The following PICALM variants were observed in gnomAD, a reference collection of about 807,000 sequenced individuals.
PICALM encodes the protein phosphatidylinositol-binding clathrin assembly protein.
Under a neutral mutation model 80.5 loss-of-function variants are expected in PICALM, and 40 were observed. The ratio of observed to expected loss-of-function variants is 0.50; its 90% confidence interval spans 0.39 to 0.65. The LOEUF is 0.65. Ranked by LOEUF, PICALM falls within the 30% of genes least tolerant of loss-of-function variation. The pLI, the probability that PICALM is intolerant of heterozygous loss-of-function variation, is 0.00. For missense variants in PICALM, 676 were observed against 778.9 expected, an observed-to-expected ratio of 0.87 and a Z score of 1.57; for synonymous variants, 288 against 260.3, an observed-to-expected ratio of 1.11 and a Z score of -1.02.
At chr11:85,992,438 C>A (rs373354484) in intron 12 of PICALM, among the ~76,000 whole-genome samples, 24 of 152,022 alleles carry the variant, frequency 1.6e-4, no homozygotes, top group East Asian at 1.2e-3. Flanking sequence ...GCGCGTGCCA[C>A]CACGCTCAGC....
intron 1 of PICALM, among the ~76,000 whole-genome samples, chr11:86,046,696 T>C (rs527975785): frequency 1.3e-5 from 2 of 152,352 alleles, no homozygotes; most frequent in African/African-American, 4.8e-5. Context: ...TGGCAAAATC[T>C]TTATAATGCA....
intron 3 of PICALM, among the ~76,000 whole-genome samples, chr11:86,024,682 A>G (rs566261233): frequency 6.6e-6 from 1 of 152,280 alleles, no homozygotes; most frequent in East Asian, 1.9e-4. Flanking sequence ...GGCTCTGAAC[A>G]GCTTCTTGAG....
At chr11:86,066,434 G>T (rs1333114983) in intron 1 of PICALM, among the ~76,000 whole-genome samples, 1 of 152,178 alleles carries the variant, frequency 6.6e-6, no homozygotes, top group Non-Finnish European at 1.5e-5. Context: ...AAACACAGAA[G>T]TGGTAGAGAA....
intron 1 of PICALM, among the ~76,000 whole-genome samples, chr11:86,032,172 T>C (rs988466250): frequency 1.3e-5 from 2 of 152,236 alleles, no homozygotes; most frequent in African/African-American, 4.8e-5. Flanking sequence ...AAAAGATTTA[T>C]ACTCCTTCTC....
chr11:85,959,055 CTG>C lies in PICALM; in HGVS notation c.1948_1949del (p.Gln650ValfsTer5). ...PFGPVSGAQI[Q>X]FM ...ATTTTCTTCCATCAAGTTACATAAA[CTG>C]TATCTGGAAAAAAAAAGTGGGTATG... On this transcript the variant is annotated frameshift_variant, in exon 20 of 20. Transcript: ENST00000393346. LOFTEE classifies it high-confidence loss of function. 1 of 1,585,950 alleles carries C rather than the reference CTG, an allele frequency of 6.3e-7. No homozygotes were observed. Among genetic ancestry groups the C allele is most frequent in the Non-Finnish European group, 8.6e-7 (1 of 1,160,182 alleles).
At chr11:85,962,116 G>C (rs894616584) in intron 19 of PICALM, among the ~76,000 whole-genome samples, 6 of 152,142 alleles carry the variant, frequency 3.9e-5, no homozygotes, top group Admixed American at 3.9e-4. Context: ...CAGATGGGAG[G>C]ACAGAGCAGC....
At chr11:86,012,418 T>A (rs2095414476) in intron 5 of PICALM, 26 bp from the exon 6 acceptor site, 5 of 1,254,124 alleles carry the variant, frequency 4.0e-6, no homozygotes, top group Non-Finnish European at 5.8e-6. Context: ...AAAATAAAAT[T>A]AGCTAATCTT....
At chr11:86,069,839 C>G (rs768431620), upstream of PICALM, 2 of 152,198 alleles carry the variant, frequency 1.3e-5, no homozygotes, top group Admixed American at 1.3e-4. Flanking sequence ...ACTAGCTGGC[C>G]GGTATTCATT....
At position 86,024,612 on chromosome 11, in the gene PICALM, C is replaced by T. The variant is rs1204440152; in HGVS notation, c.349+1680G>A. ...CTGGTAACACATAATTCCCTCTCCC[C>T]TCCTCTCTCTACTGCATTATAAAAT... is the stretch of plus-strand genomic sequence containing the variant. On this transcript the variant is annotated intron_variant, in intron 3 of 19. Coordinates refer to ENST00000393346, the MANE Select transcript of PICALM (RefSeq NM_007166.4). 3.9e-5 allele frequency among the ~76,000 whole-genome samples: 6 copies of T among 151,968 alleles called. No individual in the cohort carries two copies. The East Asian group carries it at 9.6e-4, about 24-fold the overall frequency.
intron 19 of PICALM, among the ~76,000 whole-genome samples, chr11:85,971,804 T>C (rs766112274): frequency 6.6e-6 from 1 of 151,772 alleles, no homozygotes; most frequent in Non-Finnish European, 1.5e-5. Flanking sequence ...TGTTTTGAGA[T>C]GGAGTTTAGC....
At chr11:85,964,007 C>A (rs1437900477) in intron 19 of PICALM, among the ~76,000 whole-genome samples, 2 of 137,448 alleles carry the variant, frequency 1.5e-5, no homozygotes, top group African/African-American at 5.4e-5. Context: ...AAAGGACAAA[C>A]ACACCTAGCT....
At chr11:85,973,160 T>C (rs1454437028) in intron 19 of PICALM, among the ~76,000 whole-genome samples, 1 of 152,224 alleles carries the variant, frequency 6.6e-6, no homozygotes. Context: ...AAAAGAGGCA[T>C]GTTGGTAAAT....
intron 1 of PICALM, among the ~76,000 whole-genome samples, chr11:86,047,937 T>C (rs910505902): frequency 1.3e-5 from 2 of 151,870 alleles, no homozygotes; most frequent in South Asian, 4.2e-4. Context: ...TCGTCTCTAC[T>C]AAAAATATAA....
At chr11:85,992,846 G>A (rs950815239) in intron 12 of PICALM, among the ~76,000 whole-genome samples, 7 of 152,070 alleles carry the variant, frequency 4.6e-5, no homozygotes, top group East Asian at 1.9e-4. Context: ...TTCCTATTAC[G>A]TGAAACACCT....
chr11:85,979,066 G>C (rs61907296), intron 17 of PICALM, among the ~76,000 whole-genome samples: 1 of 151,524 alleles, frequency 6.6e-6, no homozygotes, highest in East Asian at 1.9e-4. Context: ...TTTGCACTTA[G>C]GGAAAAAAAA....
intron 1 of PICALM, among the ~76,000 whole-genome samples, chr11:86,035,176 A>G (rs897155123): frequency 2.0e-5 from 3 of 151,890 alleles, no homozygotes; most frequent in African/African-American, 7.3e-5. Flanking sequence ...CAGTTACCAA[A>G]TGGTTTCATT....
chr11:86,044,742 T>C (rs1174267221), intron 1 of PICALM, among the ~76,000 whole-genome samples: 1 of 152,204 alleles, frequency 6.6e-6, no homozygotes, highest in Non-Finnish European at 1.5e-5. Context: ...GAGCTCTGCC[T>C]CCTATCAGAT....
chr11:86,009,025 C>A (rs948900833), intron 7 of PICALM, among the ~76,000 whole-genome samples: 1 of 149,874 alleles, frequency 6.7e-6, no homozygotes, highest in African/African-American at 2.5e-5. Flanking sequence ...ATGGAGCAGG[C>A]TGGGTGTGGT....
intron 19 of PICALM, among the ~76,000 whole-genome samples, chr11:85,965,228 T>C (rs975141232): frequency 6.6e-6 from 1 of 152,184 alleles, no homozygotes; most frequent in Non-Finnish European, 1.5e-5. Context: ...CATACTATCA[T>C]GCACCAAGAA....
Sources: gnomAD v4.1 joint callset for allele counts (sites outside exome capture counted in the v4.1 genomes callset) on GRCh38, gnomAD v4.1.1 for gene constraint, MANE v1.5 for transcripts, NCBI Gene and HGNC (gene_info 2026-07-23, HGNC 2026-07-21) for gene names.